The following PIWIL2 variants were observed in gnomAD, a reference collection of about 807,000 sequenced individuals.
The protein encoded by PIWIL2 is piwi-like protein 2.
In PIWIL2, 81 loss-of-function variants were observed where a neutral mutation model predicts 116.5. The observed-to-expected ratio is 0.70, with a 90% confidence interval of 0.58 to 0.84. The LOEUF (loss-of-function observed/expected upper bound fraction) is 0.84. Ranked by LOEUF, PIWIL2 falls within the 40% of genes least tolerant of loss-of-function variation. PIWIL2 has a pLI of 0.00. For missense variants in PIWIL2, 1,272 were observed against 1,212.3 expected (o/e 1.05, Z -0.73); for synonymous variants, 489 against 429.5 (o/e 1.14, Z -1.71).
intron 10 of PIWIL2, among the ~76,000 whole-genome samples, chr8:22,297,926 T>C (rs555504328): frequency 3.3e-5 from 5 of 152,236 alleles, no homozygotes; most frequent in African/African-American, 1.2e-4. Flanking sequence ...AAATGCCTTA[T>C]ATGTATAGAC....
In PIWIL2 at chr8:22,353,115, A is replaced by G; in HGVS notation, c.2560A>G (p.Lys854Glu). The G allele has an allele frequency of 1.2e-6, 2 of 1,614,156 alleles. No individual in the cohort carries two copies. Among genetic ancestry groups the G allele is most frequent in the Non-Finnish European group, 1.7e-6 (2 of 1,179,980 alleles). The change falls in exon 21 of 23, where the codon AAG (lysine) becomes GAG (glutamate). Residue 854 changes from lysine (K) to glutamate (E), a missense_variant. By Grantham distance (56) the Lys-to-Glu change is moderately conservative (BLOSUM62 1). Coordinates refer to ENST00000356766, the MANE Select transcript of PIWIL2 (RefSeq NM_018068.5). ...QPKMVVFVVQKKISTNLYLAA... is the reference protein window; with the variant it reads ...QPKMVVFVVQEKISTNLYLAA... ...CAAGATGGTGGTGTTTGTAGTTCAG[A>G]AGAAAATCAGTACTAATCTATATCT...
intron 20 of PIWIL2, among the ~76,000 whole-genome samples, chr8:22,337,661 C>T (rs890070105): frequency 4.0e-5 from 6 of 150,660 alleles, no homozygotes; most frequent in Admixed American, 6.6e-5. Context: ...ACCTGGGAGG[C>T]GGAGGTTGCA....
chr8:22,290,975 T>TATATATATATATATATA lies in PIWIL2; in HGVS notation c.1181+629_1181+630insATATATATATATATATA, dbSNP rs947701007. ...TAGTAAATACAGATGTGTATATATA[T>TATATATATATATATATA]TTTTTTTAATTGAGACAGAGTCTCA... is the stretch of plus-strand genomic sequence containing the variant. On this transcript the variant is annotated intron_variant, in intron 10 of 22. Transcript: ENST00000356766. Among the ~76,000 whole-genome samples, 13 of 149,522 alleles carry TATATATATATATATATA rather than the reference T, an allele frequency of 8.7e-5. 1 individual carries two copies. Among genetic ancestry groups the TATATATATATATATATA allele is most frequent in the Admixed American group, 2.0e-4 (3 of 14,682 alleles).
At chr8:22,294,232 G>A (rs1053084176) in intron 10 of PIWIL2, among the ~76,000 whole-genome samples, 1 of 151,330 alleles carries the variant, frequency 6.6e-6, no homozygotes, top group African/African-American at 2.4e-5. Context: ...CAGCTACTTA[G>A]GAGGCGGAGG....
intron 14 of PIWIL2, 51 bp from the exon 15 acceptor site, chr8:22,309,910 T>A (rs771389406): frequency 2.5e-5 from 28 of 1,100,318 alleles, no homozygotes; most frequent in Non-Finnish European, 3.9e-5. Context: ...AGTGTTTTTC[T>A]AAATAGCGTT....
Position 22,355,704 on chromosome 8 carries a change from G to A in PIWIL2, c.*199G>A. Reference sequence around the variant, plus strand: ...AAGTTTCTGAGTAACAGCTGAAAATGGCCTTGTTGCCTGTGTAGAGCAAGT... The same window carrying A: ...AAGTTTCTGAGTAACAGCTGAAAATAGCCTTGTTGCCTGTGTAGAGCAAGT... On this transcript the variant is annotated 3_prime_UTR_variant, in exon 23 of 23. Coordinates refer to ENST00000356766, the MANE Select transcript of PIWIL2 (RefSeq NM_018068.5). 3 of 591,910 alleles carry A rather than the reference G, an allele frequency of 5.1e-6. No individual in the cohort carries two copies. The South Asian group carries it at 6.2e-5, about 12-fold the overall frequency. The allele number at this position is 591,910 out of a possible 1,614,324, so 36.7% of individuals were successfully genotyped here.
chr8:22,331,439 A>T (rs1290539467), intron 20 of PIWIL2, among the ~76,000 whole-genome samples: 1 of 151,938 alleles, frequency 6.6e-6, no homozygotes, highest in African/African-American at 2.4e-5. Context: ...CCATGATCGC[A>T]TTACTGCACT....
chr8:22,302,168 G>A (rs1831065553), intron 10 of PIWIL2, among the ~76,000 whole-genome samples: 1 of 151,752 alleles, frequency 6.6e-6, no homozygotes. Context: ...GGCAAGTCTA[G>A]ATGGTTTATT....
chr8:22,278,504 A>G (rs1830428168), intron 1 of PIWIL2, among the ~76,000 whole-genome samples: 1 of 152,164 alleles, frequency 6.6e-6, no homozygotes, highest in Non-Finnish European at 1.5e-5. Context: ...TGGGCGACAG[A>G]AGGAGACCCT....
At chr8:22,337,737 A>T (rs1832012633) in intron 20 of PIWIL2, among the ~76,000 whole-genome samples, 1 of 152,066 alleles carries the variant, frequency 6.6e-6, no homozygotes, top group Non-Finnish European at 1.5e-5. Context: ...TCTCAAAAAA[A>T]AAATTAATAA....
chr8:22,313,774 GAC>G (rs1452844839), intron 16 of PIWIL2, among the ~76,000 whole-genome samples: 1 of 152,194 alleles, frequency 6.6e-6, no homozygotes, highest in Admixed American at 6.5e-5. Context: ...AGATGATACT[GAC>G]ATGCTGTGCT....
chr8:22,336,761 T>C (rs1831989565), intron 20 of PIWIL2, among the ~76,000 whole-genome samples: 1 of 152,052 alleles, frequency 6.6e-6, no homozygotes, highest in African/African-American at 2.4e-5. Context: ...TTAGTAGATA[T>C]TAGAGCATAA....
chr8:22,287,673 A>G, intron 7 of PIWIL2, 28 bp downstream of exon 7: 3 of 1,358,324 alleles, frequency 2.2e-6, no homozygotes, highest in Non-Finnish European at 3.2e-6. Context: ...ATGGACTTTG[A>G]GATGAACCCT....
chr8:22,330,969 G>T (rs1831848116), intron 20 of PIWIL2, among the ~76,000 whole-genome samples: 1 of 152,056 alleles, frequency 6.6e-6, no homozygotes, highest in South Asian at 2.1e-4. Context: ...GAAGTCAGGA[G>T]TTCGAGACCA....
Position 22,279,546 on chromosome 8 carries a change from C to A in PIWIL2, c.160C>A (p.Pro54Thr). ...PAGRGHVFGK[P>T]EEPSTQRGPA... ...AGGCAGAGGCCATGTATTTGGAAAG[C>A]CAGAGGAACCAAGCACACAGAGGGG... is the stretch of plus-strand genomic sequence containing the variant. The change falls in exon 2 of 23, where the codon CCA becomes ACA. Residue 54 changes from proline to threonine, a missense_variant. By Grantham distance (38) the Pro-to-Thr change is conservative. Transcript: ENST00000356766. The A allele has an allele frequency of 6.2e-7, 1 of 1,614,184 alleles. No homozygotes were observed. Among genetic ancestry groups the A allele is most frequent in the Non-Finnish European group, 8.5e-7 (1 of 1,180,030 alleles).
intron 21 of PIWIL2, 35 bp downstream of exon 21, chr8:22,353,247 A>G (rs1468270110): frequency 1.3e-6 from 2 of 1,574,498 alleles, no homozygotes; most frequent in East Asian, 4.5e-5. Context: ...TGGAGGAAGA[A>G]TAAGTTGGAG....
At chr8:22,323,710 AAG>A (rs1365336927) in intron 20 of PIWIL2, among the ~76,000 whole-genome samples, 1 of 152,216 alleles carries the variant, frequency 6.6e-6, no homozygotes, top group Non-Finnish European at 1.5e-5. Flanking sequence ...CCTGAAATGT[AAG>A]AGTCAAAGAT....
chr8:22,355,678 C>A lies in PIWIL2; in HGVS notation c.*173C>A. ...TTTTAAACCTAATATCACCAAGAAGCAAGTTTCTGAGTAACAGCTGAAAAT... is the reference window on the plus strand; with the variant it reads ...TTTTAAACCTAATATCACCAAGAAGAAAGTTTCTGAGTAACAGCTGAAAAT... On this transcript the variant is annotated 3_prime_UTR_variant, in exon 23 of 23. Transcript: ENST00000356766. 1 of 643,628 alleles carries A rather than the reference C, an allele frequency of 1.6e-6. No individual in the cohort carries two copies. The highest frequency in any genetic ancestry group is 2.6e-6 in the Non-Finnish European group (1 of 380,246). The allele number at this position is 643,628 out of a possible 1,614,324, so 39.9% of individuals were successfully genotyped here. A position where few individuals can be genotyped will look rare whatever the true frequency, so the allele number is the denominator to read the frequency against.
intron 21 of PIWIL2, among the ~76,000 whole-genome samples, chr8:22,353,421 G>A (rs750292022): frequency 1.3e-5 from 2 of 152,276 alleles, no homozygotes; most frequent in South Asian, 2.1e-4. Context: ...GGCTGAGGCA[G>A]TTAGATCACC....
Sources: gnomAD v4.1 joint callset for allele counts (sites outside exome capture counted in the v4.1 genomes callset) on GRCh38, gnomAD v4.1.1 for gene constraint, MANE v1.5 for transcripts, NCBI Gene and HGNC (gene_info 2026-07-23, HGNC 2026-07-21) for gene names.